Variants in ACTR3C observed in about 807,000 individuals in gnomAD.
The protein encoded by ACTR3C is actin related protein 3C, also known as actin-related protein 3C.
ACTR3C carries 18 observed loss-of-function variants against 26.3 expected under a neutral mutation model. That is an observed-to-expected ratio of 0.68 (90% CI 0.47 to 1.01). The LOEUF (loss-of-function observed/expected upper bound fraction) is 1.01. Ranked by LOEUF, ACTR3C falls within the 50% of genes least tolerant of loss-of-function variation. ACTR3C has a pLI of 0.00. For synonymous variants in ACTR3C, 55 were observed against 94.5 expected, an observed-to-expected ratio of 0.58 and a Z score of 2.42; for missense variants, 184 against 250.7, an observed-to-expected ratio of 0.73 and a Z score of 1.80.
chr7:150,286,863 C>T (rs1457396641), intron 4 of ACTR3C, among the ~76,000 whole-genome samples: 1 of 151,812 alleles, frequency 6.6e-6, no homozygotes, highest in Non-Finnish European at 1.5e-5. Flanking sequence ...TGCCTTGTTC[C>T]TCTCAGATGC....
At chr7:150,158,977 GCA>G in the ACTR3C span, among the ~76,000 whole-genome samples, 2 of 148,864 alleles carry the variant, frequency 1.3e-5, no homozygotes, top group African/African-American at 5.0e-5. Flanking sequence ...GCACACACAG[GCA>G]CGCACACACG....
In ACTR3C at chr7:150,266,443, G is replaced by C. The variant is rs554098373; in HGVS notation, c.565-17389C>G. Among the ~76,000 whole-genome samples the C allele has an allele frequency of 1.0e-3, 152 of 151,376 alleles. 3 individuals are homozygous for C. The highest frequency in any genetic ancestry group is 3.5e-3 in the African/African-American group (143 of 40,898). ...ACAAATTAACTCAAAATTTATCACT[G>C]AGTTAAATGTAAGGGCTAAAAGCAC... On this transcript the variant is annotated intron_variant, in intron 6 of 7. Coordinates refer to ENST00000683684, the MANE Select transcript of ACTR3C (RefSeq NM_001164458.2).
At chr7:150,297,305 C>T (rs1486028037) in intron 1 of ACTR3C, among the ~76,000 whole-genome samples, 3 of 150,608 alleles carry the variant, frequency 2.0e-5, no homozygotes, top group Non-Finnish European at 4.4e-5. Flanking sequence ...TTATATGTAT[C>T]AAAACTTCAC....
At chr7:150,227,850 A>T in the ACTR3C span, among the ~76,000 whole-genome samples, 2 of 151,228 alleles carry the variant, frequency 1.3e-5, no homozygotes, top group Non-Finnish European at 2.9e-5. Context: ...TGTTTCATTG[A>T]CCTATCTACC....
At chr7:149,917,933 T>C in the ACTR3C span, among the ~76,000 whole-genome samples, 5 of 152,050 alleles carry the variant, frequency 3.3e-5, no homozygotes, top group Non-Finnish European at 7.4e-5. Flanking sequence ...AACATGGTTT[T>C]GATAAAAGTA....
At chr7:150,239,656 G>T (rs1832075371), downstream of ACTR3C, among the ~76,000 whole-genome samples, 1 of 148,346 alleles carries the variant, frequency 6.7e-6, no homozygotes, top group Admixed American at 6.7e-5. Flanking sequence ...ATTGACATGG[G>T]TGGAACTGGC....
intron 1 of ACTR3C, among the ~76,000 whole-genome samples, chr7:150,307,017 C>CAT (rs147889948): frequency 0.028 from 4,293 of 152,268 alleles, 220 homozygotes; most frequent in African/African-American, 0.098. Flanking sequence ...ATTATGGTTT[C>CAT]ATATATGTGT....
chr7:150,099,392 C>T, the ACTR3C span, among the ~76,000 whole-genome samples: 1 of 151,882 alleles, frequency 6.6e-6, no homozygotes, highest in East Asian at 1.9e-4. Context: ...TTCACACCAC[C>T]ATTCAAGTCT....
chr7:150,229,646 A>G, the ACTR3C span, among the ~76,000 whole-genome samples: 3,475 of 144,492 alleles, frequency 0.024, 145 homozygotes, highest in African/African-American at 0.084. Flanking sequence ...CACGACACAC[A>G]GCTAATTTTT....
chr7:149,951,400 C>T, the ACTR3C span, among the ~76,000 whole-genome samples: 7 of 147,592 alleles, frequency 4.7e-5, 1 homozygote, highest in African/African-American at 1.1e-4. Flanking sequence ...TCAGCTTAAT[C>T]GGACTCACAG....
At chr7:150,213,895 G>A in the ACTR3C span, among the ~76,000 whole-genome samples, 10 of 142,944 alleles carry the variant, frequency 7.0e-5, no homozygotes, top group Middle Eastern at 3.5e-3. Context: ...ACTGAGTGAA[G>A]GTCAACAAGA....
the ACTR3C span, among the ~76,000 whole-genome samples, chr7:150,005,295 C>A: frequency 6.6e-6 from 1 of 152,224 alleles, no homozygotes; most frequent in East Asian, 1.9e-4. Flanking sequence ...CAGCTCCCAC[C>A]CCTGATGTCA....
At chr7:149,914,586 T>TAAAC in the ACTR3C span, among the ~76,000 whole-genome samples, 2 of 118,150 alleles carry the variant, frequency 1.7e-5, no homozygotes, top group Admixed American at 1.7e-4. Context: ...AATAAATAAA[T>TAAAC]AAACAAACAG....
the ACTR3C span, among the ~76,000 whole-genome samples, chr7:150,023,263 A>ATATC: frequency 2.0e-5 from 1 of 50,934 alleles, no homozygotes; most frequent in African/African-American, 5.8e-5. Flanking sequence ...AGATCTCTAT[A>ATATC]TATCTCTATA....
the ACTR3C span, among the ~76,000 whole-genome samples, chr7:150,202,161 C>G: frequency 6.6e-6 from 1 of 152,156 alleles, no homozygotes; most frequent in South Asian, 2.1e-4. Context: ...CCCCACAACC[C>G]ACAACCCCGT....
chr7:150,004,391 G>A, the ACTR3C span: 4 of 152,052 alleles, frequency 2.6e-5, no homozygotes, highest in Non-Finnish European at 5.9e-5. Flanking sequence ...GCTCACGACG[G>A]CTCCATATTT....
chr7:150,140,603 G>A, the ACTR3C span, among the ~76,000 whole-genome samples: 39 of 152,280 alleles, frequency 2.6e-4, no homozygotes, highest in African/African-American at 8.7e-4. Context: ...AGATATCTAA[G>A]TGATTAGAGT....
the ACTR3C span, among the ~76,000 whole-genome samples, chr7:150,038,620 C>T: frequency 6.9e-6 from 1 of 145,318 alleles, no homozygotes; most frequent in East Asian, 1.9e-4. Flanking sequence ...TTTCTGTTCC[C>T]GAGCTGCGTT....
At chr7:149,932,707 A>AGGAGGGGAGTGGAGG in the ACTR3C span, among the ~76,000 whole-genome samples, 1 of 120,376 alleles carries the variant, frequency 8.3e-6, no homozygotes, top group Non-Finnish European at 1.7e-5. Context: ...GAGAAAGAGA[A>AGGAGGGGAGTGGAGG]GGAGGGGAGT....
Sources: allele counts gnomAD v4.1 joint callset (sites outside exome capture counted in the v4.1 genomes callset), GRCh38; gene constraint gnomAD v4.1.1; transcripts MANE v1.5; gene names NCBI Gene and HGNC (gene_info 2026-07-23, HGNC 2026-07-21).